GYG2: variants seen among roughly 807,000 people sequenced by gnomAD.
The protein encoded by GYG2 is glycogenin 2.
A neutral mutation model predicts 29.4 loss-of-function variants in GYG2; 29 were observed. The ratio of observed to expected loss-of-function variants is 0.99; its 90% CI spans 0.74 to 1.35. The LOEUF (loss-of-function observed/expected upper bound fraction) is 1.35, where lower values mean the gene tolerates loss of function less well. Among genes scored for constraint, GYG2 ranks in the 40% most tolerant of loss-of-function variants. The probability of loss-of-function intolerance (pLI) is 0.00; values close to 1 mark genes in which losing one functional copy is unlikely to be tolerated. For missense variants in GYG2, 370 were observed against 385.7 expected (o/e 0.96, Z 0.34); for synonymous variants, 167 against 172.3 (o/e 0.97, Z 0.24).
chrX:2,878,154 G>T (rs2088641339), intron 10 of GYG2: 1 of 739,985 alleles, frequency 1.4e-6, no homozygotes, highest in Admixed American at 8.8e-5. Flanking sequence ...GAGGCTCTGT[G>T]AATTGAATCT....
At chrX:2,845,981 AT>A (rs1172242215) in intron 3 of GYG2, among the ~76,000 whole-genome samples, 27 of 85,520 alleles carry the variant, frequency 3.2e-4, no homozygotes, top group African/African-American at 9.1e-4. Flanking sequence ...ATTTAAAAAA[AT>A]ATATACATAT....
rs767981948 is a variant in GYG2 at position 2,848,651 on chromosome X, C to A, written c.149+5297C>A. Among the ~76,000 whole-genome samples, 12 of 111,054 alleles carry A rather than the reference C, an allele frequency of 1.1e-4. No individual in the cohort carries two copies. In the South Asian group the frequency reaches 4.6e-3, roughly 43 times the overall value. On this transcript the variant is annotated intron_variant, in intron 3 of 10. Coordinates refer to ENST00000398806, the MANE Select transcript of GYG2 (RefSeq NM_001079855.2). ...TTCCGTGTTTTATTTTAAAAGCCGG[C>A]GGGGGCGACGGGGTAGAAAAATGCT...
At chrX:2,847,329 A>T (rs5982594) in intron 3 of GYG2, among the ~76,000 whole-genome samples, 40,979 of 109,239 alleles carry the variant, frequency 0.38, 5,883 homozygotes, top group African/African-American at 0.48. Flanking sequence ...ATATCATTCA[A>T]CACATTAATA....
chrX:2,880,992 A>G, intron 10 of GYG2, 60 bp from the exon 11 acceptor site: 3 of 1,084,585 alleles, frequency 2.8e-6, no homozygotes, highest in Non-Finnish European at 3.8e-6. Context: ...GGGTTTTAGC[A>G]GTCTTTCCCT....
At position 2,840,819 on chromosome X, in the gene GYG2, T is replaced by A. The variant is rs190071681; in HGVS notation, c.8-2394T>A. ...ATATATGATAAATAGATGATAGAGA[T>A]ACATGGATTAGATAGCTAGATAGAT... On this transcript the variant is annotated intron_variant, in intron 2 of 10. Transcript: ENST00000398806. 3.7e-4 allele frequency among the ~76,000 whole-genome samples: 41 copies of A among 110,729 alleles called. No individual in the cohort carries two copies. The Admixed American group carries it at 4.0e-3, about 11-fold the overall frequency.
chrX:2,879,180 A>G (rs915747713), intron 10 of GYG2, among the ~76,000 whole-genome samples: 9 of 106,221 alleles, frequency 8.5e-5, no homozygotes, highest in Non-Finnish European at 1.8e-4. Flanking sequence ...AAAGTAGTAT[A>G]TGCCTATGGT....
chrX:2,869,607 G>A (rs748843896), intron 8 of GYG2, among the ~76,000 whole-genome samples: 19 of 112,252 alleles, frequency 1.7e-4, no homozygotes, highest in Non-Finnish European at 3.0e-4. Context: ...AGCTACTTTG[G>A]TATATATAAT....
Position 2,859,960 on chromosome X carries a change from C to T in GYG2, c.732C>T (p.His244=), listed in dbSNP as rs1025706332. The change falls in exon 7 of 11, where the codon CAC becomes CAT. Residue 244 remains histidine (H), a synonymous_variant. Transcript: ENST00000398806. ...LEQGSASSSQ[H]QAAFLHLWWT... is the part of the protein sequence containing the mutation. The stretch of plus-strand genomic sequence containing the variant: ...AAGGCTCAGCGTCCAGCAGCCAGCA[C>T]CAGGCGGCATTCCTTCATCTCTGGT... 3 of 1,200,011 alleles carry T rather than the reference C, an allele frequency of 2.5e-6. No individual in the cohort carries two copies. Among genetic ancestry groups the T allele is most frequent in the Non-Finnish European group, 3.4e-6 (3 of 887,525 alleles).
intron 8 of GYG2, among the ~76,000 whole-genome samples, chrX:2,867,491 G>A (rs949170186): frequency 1.8e-5 from 2 of 111,642 alleles, no homozygotes; most frequent in Non-Finnish European, 3.8e-5. Context: ...ACAGCGTGAA[G>A]GGGAGGCAGG....
chrX:2,876,028 C>A, intron 9 of GYG2, 114 bp downstream of exon 9: 1 of 265,669 alleles, frequency 3.8e-6, no homozygotes, highest in Non-Finnish European at 6.1e-6. Flanking sequence ...TTTAAAAATT[C>A]CTCCCTTTTT....
chrX:2,876,528 A>C (rs1236982364), intron 9 of GYG2, among the ~76,000 whole-genome samples: 1 of 111,805 alleles, frequency 8.9e-6, no homozygotes, highest in African/African-American at 3.2e-5. Context: ...TTGCATAAGA[A>C]CTTGTAGCAT....
chrX:2,859,731 G>A (rs2088110846), intron 6 of GYG2, 112 bp from the exon 7 acceptor site: 4 of 464,821 alleles, frequency 8.6e-6, no homozygotes, highest in Admixed American at 7.9e-5. Flanking sequence ...AAACCCATTG[G>A]GACAAGTCCT....
intron 2 of GYG2, chrX:2,842,927 C>G (rs1226654729): frequency 3.2e-5 from 11 of 340,533 alleles, no homozygotes; most frequent in Middle Eastern, 9.5e-4. Context: ...TATCCTCCCA[C>G]CTCAGCCTCT....
At position 2,859,907 on chromosome X, in the gene GYG2, A is replaced by G; in HGVS notation, c.679A>G (p.Asn227Asp). The change falls in exon 7 of 11, where the codon AAT becomes GAT. Residue 227 changes from asparagine to aspartate, a missense_variant. Transcript: ENST00000398806. The stretch of plus-strand genomic sequence containing the variant: ...CATGAAACCTTGGAACTACAAGTAC[A>G]ATCCACAGAGTGGCTCGGTGTTGGA... ...GSMKPWNYKYNPQSGSVLEQG... is the reference protein window; with the variant it reads ...GSMKPWNYKYDPQSGSVLEQG... 8.3e-7 allele frequency: 1 copy of G among 1,206,179 alleles called. No individual in the cohort carries two copies. Among genetic ancestry groups the G allele is most frequent in the Non-Finnish European group, 1.1e-6 (1 of 890,922 alleles).
chrX:2,832,826 C>T (rs935364461), intron 2 of GYG2, among the ~76,000 whole-genome samples: 6 of 112,339 alleles, frequency 5.3e-5, no homozygotes, highest in Non-Finnish European at 7.5e-5. Flanking sequence ...TGAGCCACCA[C>T]GCTTGGCCTA....
At chrX:2,842,435 G>A (rs1244110190) in intron 2 of GYG2, among the ~76,000 whole-genome samples, 1 of 109,258 alleles carries the variant, frequency 9.2e-6, no homozygotes, top group Non-Finnish European at 1.9e-5. Flanking sequence ...GGGCTCAAAT[G>A]ATCCCCCTTC....
Position 2,843,500 on chromosome X carries a change from C to T in GYG2, c.149+146C>T, listed in dbSNP as rs73632940. The T allele has an allele frequency of 3.0e-3, 1,357 of 453,919 alleles. 15 individuals carry two copies. Among genetic ancestry groups the T allele is most frequent in the African/African-American group, 0.028 (1,121 of 40,629 alleles). 37.4% of individuals were successfully genotyped at this position (453,919 alleles called of 1,213,427 possible). On this transcript the variant is annotated intron_variant, in intron 3 of 10. Coordinates refer to ENST00000398806, the MANE Select transcript of GYG2 (RefSeq NM_001079855.2). ...GCCGGCAGTCATGATGGGCATCTGA[C>T]GTTTGTAAGGAACCTTCGAATCATG...
intron 5 of GYG2, among the ~76,000 whole-genome samples, chrX:2,855,606 G>A (rs2087967092): frequency 8.9e-6 from 1 of 112,096 alleles, no homozygotes; most frequent in Admixed American, 9.5e-5. Context: ...ATTGAACATG[G>A]GCTGGCCGTG....
intron 8 of GYG2, among the ~76,000 whole-genome samples, chrX:2,864,979 G>A (rs1395264856): frequency 1.8e-5 from 2 of 110,823 alleles, no homozygotes; most frequent in Non-Finnish European, 3.8e-5. Flanking sequence ...GGCTGTTCTT[G>A]AACTCCTGGC....
Sources: allele counts gnomAD v4.1 joint callset (sites outside exome capture counted in the v4.1 genomes callset), GRCh38; gene constraint gnomAD v4.1.1; transcripts MANE v1.5; gene names NCBI Gene and HGNC (gene_info 2026-07-23, HGNC 2026-07-21).